The following NCKAP5 variants were observed in gnomAD, a reference collection of about 807,000 sequenced individuals.
NCKAP5 encodes nck-associated protein 5.
A neutral mutation model predicts 167.0 loss-of-function variants in NCKAP5; 92 were observed. That is an observed-to-expected ratio of 0.55 (90% CI 0.47 to 0.66). The LOEUF is 0.66. Ranked by LOEUF, NCKAP5 falls within the 30% of genes least tolerant of loss-of-function variation. The probability of loss-of-function intolerance (pLI) is 0.00; values close to 1 mark genes in which losing one functional copy is unlikely to be tolerated. For synonymous variants in NCKAP5, 891 were observed against 877.4 expected, an observed-to-expected ratio of 1.02 and a Z score of -0.27; for missense variants, 2,378 against 2,315.0, an observed-to-expected ratio of 1.03 and a Z score of -0.56.
At chr2:133,202,326 C>A (rs1048684183) in intron 5 of NCKAP5, among the ~76,000 whole-genome samples, 3 of 152,136 alleles carry the variant, frequency 2.0e-5, no homozygotes, top group Non-Finnish European at 4.4e-5. Context: ...GGAAAACTGG[C>A]TAGCCATATG....
chr2:132,793,278 G>A (rs1174101250), intron 12 of NCKAP5, among the ~76,000 whole-genome samples: 2 of 152,194 alleles, frequency 1.3e-5, no homozygotes, highest in African/African-American at 4.8e-5. Context: ...AAAGTGCTGG[G>A]ATTACAGGTG....
intron 3 of NCKAP5, among the ~76,000 whole-genome samples, chr2:133,513,188 A>G (rs1027074615): frequency 6.6e-6 from 1 of 152,204 alleles, no homozygotes; most frequent in African/African-American, 2.4e-5. Flanking sequence ...AAGAACCATT[A>G]CTATGAAGAA....
At chr2:133,663,519 C>A in the NCKAP5 span, among the ~76,000 whole-genome samples, 6 of 152,206 alleles carry the variant, frequency 3.9e-5, no homozygotes, top group South Asian at 2.1e-4. Flanking sequence ...TCCTCTCAAA[C>A]CCTGCTGCTA....
intron 5 of NCKAP5, among the ~76,000 whole-genome samples, chr2:133,174,413 A>G (rs1183713341): frequency 6.6e-6 from 1 of 152,178 alleles, no homozygotes; most frequent in Non-Finnish European, 1.5e-5. Flanking sequence ...TGTATTTAAC[A>G]TATATCATGG....
At chr2:133,017,317 C>A (rs1467793943) in intron 6 of NCKAP5, among the ~76,000 whole-genome samples, 1 of 152,186 alleles carries the variant, frequency 6.6e-6, no homozygotes, top group Non-Finnish European at 1.5e-5. Context: ...TTGGGAAACC[C>A]TTGGGTATGC....
chr2:133,553,966 A>G (rs2104976076), intron 2 of NCKAP5, among the ~76,000 whole-genome samples: 1 of 152,290 alleles, frequency 6.6e-6, no homozygotes, highest in East Asian at 1.9e-4. Flanking sequence ...GCTAAAATCA[A>G]TGTGTCAAGT....
At chr2:132,941,084 G>C (rs146156873) in intron 8 of NCKAP5, among the ~76,000 whole-genome samples, 10 of 152,250 alleles carry the variant, frequency 6.6e-5, no homozygotes, top group Middle Eastern at 3.4e-3. Context: ...GTGAAAGTTG[G>C]CCAAGTCCCC....
chr2:132,696,887 C>CT (rs1240425161), intron 19 of NCKAP5, among the ~76,000 whole-genome samples: 2 of 151,974 alleles, frequency 1.3e-5, no homozygotes, highest in African/African-American at 2.4e-5. Flanking sequence ...TCTTATTCTT[C>CT]TTTTTTATTT....
intron 5 of NCKAP5, among the ~76,000 whole-genome samples, chr2:133,167,398 G>C (rs1000174114): frequency 5.9e-5 from 9 of 152,116 alleles, no homozygotes; most frequent in African/African-American, 9.7e-5. Context: ...CTACTTCACG[G>C]TGTATGATGC....
chr2:132,759,374 T>C (rs1450053096), intron 16 of NCKAP5, among the ~76,000 whole-genome samples: 1 of 152,170 alleles, frequency 6.6e-6, no homozygotes, highest in Non-Finnish European at 1.5e-5. Context: ...TTCAAACTTT[T>C]TAGACTACTA....
chr2:133,591,475 A>C, the NCKAP5 span, among the ~76,000 whole-genome samples: 1 of 152,152 alleles, frequency 6.6e-6, no homozygotes, highest in Non-Finnish European at 1.5e-5. Context: ...AAGGAGGGGG[A>C]GAGGACTTCT....
chr2:133,443,650 C>T (rs918673381), intron 3 of NCKAP5, among the ~76,000 whole-genome samples: 2 of 152,200 alleles, frequency 1.3e-5, no homozygotes, highest in Non-Finnish European at 2.9e-5. Flanking sequence ...TGAGCCCAAG[C>T]TTGAAGCATG....
intron 6 of NCKAP5, among the ~76,000 whole-genome samples, chr2:133,048,551 T>A (rs13395693): frequency 6.6e-6 from 1 of 152,048 alleles, no homozygotes; most frequent in African/African-American, 2.4e-5. Context: ...AGGCCATATG[T>A]GGATAATTTT....
chr2:132,684,468 G>A (rs1351901213), intron 19 of NCKAP5, among the ~76,000 whole-genome samples: 2 of 152,064 alleles, frequency 1.3e-5, no homozygotes, highest in African/African-American at 4.8e-5. Flanking sequence ...CATATTGATC[G>A]CCCAGCCTTT....
intron 11 of NCKAP5, among the ~76,000 whole-genome samples, chr2:132,804,950 T>C (rs958273919): frequency 6.6e-6 from 1 of 151,966 alleles, no homozygotes; most frequent in Non-Finnish European, 1.5e-5. Context: ...GATAACATCA[T>C]TGCTATCTTT....
At chr2:132,920,567 G>C (rs2148996071) in intron 8 of NCKAP5, among the ~76,000 whole-genome samples, 1 of 149,024 alleles carries the variant, frequency 6.7e-6, no homozygotes, top group African/African-American at 2.5e-5. Context: ...CTTGCCTGGG[G>C]GTGCTGTGTG....
intron 6 of NCKAP5, among the ~76,000 whole-genome samples, chr2:133,036,549 C>T (rs1418054925): frequency 2.0e-5 from 3 of 151,864 alleles, no homozygotes; most frequent in Non-Finnish European, 4.4e-5. Flanking sequence ...ACCATATCAA[C>T]AGAACGAAGG....
the NCKAP5 span, among the ~76,000 whole-genome samples, chr2:133,660,578 T>A: frequency 6.6e-6 from 1 of 152,290 alleles, no homozygotes; most frequent in South Asian, 2.1e-4. Flanking sequence ...ACTTTATAAA[T>A]AGGAAAGCAT....
At chr2:133,160,408 C>CTTTTTT (rs59557631) in intron 5 of NCKAP5, among the ~76,000 whole-genome samples, 8 of 121,088 alleles carry the variant, frequency 6.6e-5, no homozygotes, top group Admixed American at 2.6e-4. Context: ...AGGTCACATT[C>CTTTTTT]TTTTTTTTTT....
Sources: gnomAD v4.1 joint callset for allele counts (sites outside exome capture counted in the v4.1 genomes callset) on GRCh38, gnomAD v4.1.1 for gene constraint, MANE v1.5 for transcripts, NCBI Gene and HGNC (gene_info 2026-07-23, HGNC 2026-07-21) for gene names.